PPP1R12C: variants seen among roughly 807,000 people sequenced by gnomAD.
The protein encoded by PPP1R12C is leukocyte receptor cluster (LRC) encoded novel gene 3.
A neutral mutation model predicts 95.6 loss-of-function variants in PPP1R12C; 48 were observed. That is an observed-to-expected ratio of 0.50 (90% CI 0.40 to 0.64). The LOEUF is 0.64. Among genes scored for constraint, PPP1R12C ranks in the 30% least tolerant of loss-of-function variants. The pLI, the probability that PPP1R12C is intolerant of heterozygous loss-of-function variation, is 0.00. For missense variants in PPP1R12C, 1,057 were observed against 1,083.3 expected (o/e 0.98, Z 0.34); for synonymous variants, 480 against 460.8 (o/e 1.04, Z -0.53).
chr19:55,098,705 G>A (rs1334540528), intron 6 of PPP1R12C, 79 bp downstream of exon 6: 91 of 1,531,198 alleles, frequency 5.9e-5, no homozygotes, highest in Non-Finnish European at 7.9e-5. Flanking sequence ...AGTCGGGGGG[G>A]TTCCCCCTCT....
Position 55,091,878 on chromosome 19 carries a change from A to AG in PPP1R12C, c.2191dup (p.Leu731ProfsTer28). The AG allele has an allele frequency of 1.2e-6, 2 of 1,613,348 alleles. No individual in the cohort carries two copies. Among genetic ancestry groups the AG allele is most frequent in the Non-Finnish European group, 1.7e-6 (2 of 1,180,000 alleles). ...ACTCACGAATCTCTCCAGTTCCAGG[A>AG]GGGCTGGCCTCTCAGCGAAGCGTTC... is the stretch of plus-strand genomic sequence containing the variant. On this transcript the variant is annotated frameshift_variant, in exon 20 of 22. Transcript: ENST00000263433. LOFTEE classifies it high-confidence loss of function.
intron 4 of PPP1R12C, among the ~76,000 whole-genome samples, chr19:55,102,999 C>T (rs148119143): frequency 0.066 from 10,032 of 151,952 alleles, 421 homozygotes; most frequent in Middle Eastern, 0.092. Flanking sequence ...CCCAGGAGTT[C>T]GAGACAAGCC....
chr19:55,105,941 TAA>T (rs879751133), intron 3 of PPP1R12C, among the ~76,000 whole-genome samples: 16 of 138,942 alleles, frequency 1.2e-4, no homozygotes, highest in Admixed American at 1.4e-4. Context: ...GATCCTGTCT[TAA>T]AAAAAAAAAA....
At position 55,095,504 on chromosome 19, in the gene PPP1R12C, G is replaced by A; in HGVS notation, c.1327C>T (p.Pro443Ser). ...PPERRTAEGA[P>S]GAGLQRSASS... is the part of the protein sequence containing the mutation. ...GCCGAGCGCTGCAGCCCAGCCCCAGGGGCTCCCTCCGCTGTCCGCCTTTCA... is the reference window on the plus strand; with the variant it reads ...GCCGAGCGCTGCAGCCCAGCCCCAGAGGCTCCCTCCGCTGTCCGCCTTTCA... Residue 443 changes from proline to serine, a missense_variant, in exon 10 of 22, where the codon CCT (proline) becomes TCT (serine). By Grantham distance (74) the Pro-to-Ser change is moderately conservative (BLOSUM62 -1). Coordinates refer to ENST00000263433, the MANE Select transcript of PPP1R12C (RefSeq NM_017607.4). 1 of 1,574,108 alleles carries A rather than the reference G, an allele frequency of 6.4e-7. No individual in the cohort carries two copies. The highest frequency in any genetic ancestry group is 8.6e-7 in the Non-Finnish European group (1 of 1,159,846).
chr19:55,098,303 C>CA (rs2084944613), intron 6 of PPP1R12C, among the ~76,000 whole-genome samples: 1 of 152,246 alleles, frequency 6.6e-6, no homozygotes, highest in Admixed American at 6.5e-5. Flanking sequence ...GGCTGAGACT[C>CA]ACGGCAGATC....
chr19:55,095,695 T>G, intron 9 of PPP1R12C, 92 bp from the exon 10 acceptor site: 1 of 1,498,362 alleles, frequency 6.7e-7, no homozygotes, highest in Non-Finnish European at 9.0e-7. Flanking sequence ...CAAACTACAA[T>G]TCCCATCAGC....
intron 1 of PPP1R12C, chr19:55,113,644 A>T (rs1326530626): frequency 5.7e-6 from 7 of 1,235,998 alleles, no homozygotes; most frequent in Non-Finnish European, 7.2e-6. Flanking sequence ...GATCCACGGG[A>T]TAAATTACCC....
intron 1 of PPP1R12C, chr19:55,113,188 G>A (rs2085116887): frequency 4.1e-6 from 2 of 492,004 alleles, no homozygotes; most frequent in Admixed American, 3.6e-5. Context: ...CTCCTTCAGA[G>A]CCAGGAGTCC....
chr19:55,092,791 G>A lies in PPP1R12C; in HGVS notation c.1903C>T (p.Pro635Ser), dbSNP rs768901309. ...CCACCTGAGCCCCTCACCTCCGCAGGCCCCCTCCACTCCTTTCCGACCTTG... is the reference window on the plus strand; with the variant it reads ...CCACCTGAGCCCCTCACCTCCGCAGACCCCCTCCACTCCTTTCCGACCTTG... ...HRKVGKEWRG[P>S]AEGEEAEPAD... is the part of the protein sequence containing the mutation. Residue 635 changes from proline to serine, a missense_variant, in exon 16 of 22, where the codon CCT becomes TCT. Around this residue, in one of 5 missense-constraint regions of PPP1R12C, gnomAD observed 347 missense variants for 307.9 expected, o/e 1.13. Coordinates refer to ENST00000263433, the MANE Select transcript of PPP1R12C (RefSeq NM_017607.4). The A allele has an allele frequency of 1.3e-6, 2 of 1,557,264 alleles. No homozygotes were observed. The highest frequency in any genetic ancestry group is 2.7e-5 in the African/African-American group (2 of 73,274).
In PPP1R12C at chr19:55,098,972, GC is replaced by G; in HGVS notation, c.854del (p.Gly285AlafsTer5). On this transcript the variant is annotated frameshift_variant, in exon 5 of 22. Coordinates refer to ENST00000263433, the MANE Select transcript of PPP1R12C (RefSeq NM_017607.4). LOFTEE classifies it high-confidence loss of function. ...ACRLLAEHGG[G>X]MDSLTHAGQR... is the part of the protein sequence containing the mutation. ...TCACCGCATGGGTCAGTGAGTCCAT[GC>G]CCCCGCCATGCTCGGCCAGCAGGCG... The G allele has an allele frequency of 6.4e-7, 1 of 1,569,734 alleles. No individual in the cohort carries two copies. Among genetic ancestry groups the G allele is most frequent in the Non-Finnish European group, 8.6e-7 (1 of 1,157,126 alleles).
chr19:55,113,755 G>A (rs2085123772), intron 1 of PPP1R12C: 4 of 390,806 alleles, frequency 1.0e-5, no homozygotes, highest in Admixed American at 4.8e-5. Flanking sequence ...CTGTGAAGGG[G>A]CCGCACGTGC....
intron 20 of PPP1R12C, 43 bp from the exon 21 acceptor site, chr19:55,091,743 G>A: frequency 6.2e-7 from 1 of 1,613,280 alleles, no homozygotes; most frequent in Non-Finnish European, 8.5e-7. Context: ...TGAGGCTGAG[G>A]AGGGCAGGGG....
rs761291047 is a variant in PPP1R12C, at chr19:55,092,498, C to CCCGCTGCCA, written c.1990_1998dup (p.Trp664_Arg666dup). 3.0e-5 allele frequency: 48 copies of CCCGCTGCCA among 1,609,472 alleles called. No individual in the cohort carries two copies. The highest frequency in any genetic ancestry group is 3.7e-5 in the Non-Finnish European group (44 of 1,178,424). ...TCTGGCTCAGGTTCTGGGTTGAGGT[C>CCCGCTGCCA]CCGCTGCCACCGCTGCCTGCGGGCC... On this transcript the variant is annotated inframe_insertion, in exon 18 of 22. Coordinates refer to ENST00000263433, the MANE Select transcript of PPP1R12C (RefSeq NM_017607.4).
In PPP1R12C at chr19:55,092,514, C is replaced by A; in HGVS notation, c.1983G>T (p.Arg661Ser). 1.2e-6 allele frequency: 2 copies of A among 1,608,726 alleles called. No homozygotes were observed. Among genetic ancestry groups the A allele is most frequent in the South Asian group, 2.2e-5 (2 of 90,428 alleles). The change falls in exon 18 of 22, where the codon AGG becomes AGT. Residue 661 changes from arginine to serine, a missense_variant. Arg to Ser is a moderately radical substitution (Grantham distance 110, BLOSUM62 -1). Coordinates refer to ENST00000263433, the MANE Select transcript of PPP1R12C (RefSeq NM_017607.4). ...STLEGGPSAR[R>S]QRWQRDLNPE... The stretch of plus-strand genomic sequence containing the variant: ...GGTTGAGGTCCCGCTGCCACCGCTG[C>A]CTGCGGGCCGAGGGGCCGCCCTCCA...
chr19:55,096,418 G>C, intron 6 of PPP1R12C, 83 bp from the exon 7 acceptor site: 5 of 1,490,648 alleles, frequency 3.4e-6, no homozygotes, highest in Non-Finnish European at 4.7e-6. Context: ...CTGTGCAGGA[G>C]CTCACTGCCC....
Position 55,095,467 on chromosome 19 carries a change from CAGG to C in PPP1R12C, c.1361_1363del (p.Ser454del). ...CACCTGAGTGGAGGTCCCTTCCAGC[CAGG>C]AGGAGGAAGCCGAGCGCTGCAGCCC... On this transcript the variant is annotated inframe_deletion, in exon 10 of 22. Coordinates refer to ENST00000263433, the MANE Select transcript of PPP1R12C (RefSeq NM_017607.4). 1 of 1,563,856 alleles carries C rather than the reference CAGG, an allele frequency of 6.4e-7. No homozygotes were observed. Among genetic ancestry groups the C allele is most frequent in the Non-Finnish European group, 8.7e-7 (1 of 1,154,422 alleles).
intron 16 of PPP1R12C, 48 bp downstream of exon 16, chr19:55,092,735 C>T (rs746964825): frequency 6.5e-6 from 10 of 1,534,914 alleles, no homozygotes; most frequent in Non-Finnish European, 7.9e-6. Flanking sequence ...CTTTGCCCGC[C>T]CCCCGGCCCA....
chr19:55,092,396 C>G (rs775266034), intron 18 of PPP1R12C, 46 bp downstream of exon 18: 2 of 1,576,308 alleles, frequency 1.3e-6, no homozygotes, highest in Non-Finnish European at 1.7e-6. Context: ...AGCCAGGAAG[C>G]TGGGCACCCA....
Position 55,092,488 on chromosome 19 carries a change from G to C in PPP1R12C, c.2009C>G (p.Pro670Arg), listed in dbSNP as rs745562251. The change falls in exon 18 of 22, where the codon CCA (proline) becomes CGA (arginine). Residue 670 changes from proline (P) to arginine (R), a missense_variant. Transcript: ENST00000263433. ...CTCTTCCGATTCTGGCTCAGGTTCT[G>C]GGTTGAGGTCCCGCTGCCACCGCTG... ...RRQRWQRDLN[P>R]EPEPESEEPD... 1.2e-6 allele frequency: 2 copies of C among 1,610,252 alleles called. No homozygotes were observed. Among genetic ancestry groups the C allele is most frequent in the Non-Finnish European group, 8.5e-7 (1 of 1,178,670 alleles).
Sources: gnomAD v4.1 joint callset for allele counts (sites outside exome capture counted in the v4.1 genomes callset) on GRCh38, gnomAD v4.1.1 for gene constraint, gnomAD v4.1.1 regional missense constraint, MANE v1.5 for transcripts, NCBI Gene and HGNC (gene_info 2026-07-23, HGNC 2026-07-21) for gene names.